The following STPG3 variants were observed in gnomAD, a reference collection of about 807,000 sequenced individuals.
STPG3 encodes the protein sperm-tail PG-rich repeat containing 3.
In STPG3, 39 loss-of-function variants were observed where a neutral mutation model predicts 32.5. The observed-to-expected ratio is 1.20, with a 90% CI of 0.93 to 1.57. The LOEUF (loss-of-function observed/expected upper bound fraction) is 1.57, where lower values mean the gene tolerates loss of function less well. Among genes scored for constraint, STPG3 ranks in the 40% most tolerant of loss-of-function variants. STPG3 has a pLI of 0.00. For missense variants in STPG3, 507 were observed against 407.6 expected (o/e 1.24, Z -2.10); for synonymous variants, 209 against 172.4 (o/e 1.21, Z -1.66).
chr9:137,251,818 T>A lies in STPG3; in HGVS notation c.191T>A (p.Ile64Asn). ...DETQPPKMKE[I>N]PVGLRLQTGT... Reference sequence around the variant, plus strand: ...ACACAGCCCCCAAAGATGAAGGAGATCCCAGTTGGCCTCAGGTTACAGACG... The same window carrying A: ...ACACAGCCCCCAAAGATGAAGGAGAACCCAGTTGGCCTCAGGTTACAGACG... The change falls in exon 2 of 6, where the codon ATC becomes AAC. Residue 64 changes from isoleucine (I) to asparagine (N), a missense_variant. By Grantham distance (149) the Ile-to-Asn change is moderately radical. Transcript: ENST00000412566. The A allele has an allele frequency of 1.2e-6, 2 of 1,603,452 alleles. No homozygotes were observed. Among genetic ancestry groups the A allele is most frequent in the Non-Finnish European group, 1.7e-6 (2 of 1,175,240 alleles).
At chr9:137,253,051 C>A in intron 5 of STPG3, 64 bp from the exon 6 acceptor site, 1 of 1,536,818 alleles carries the variant, frequency 6.5e-7, no homozygotes, top group Non-Finnish European at 8.8e-7. Flanking sequence ...GGGGTGGGAA[C>A]TGGGAGCCAG....
chr9:137,251,687 TG>T, intron 1 of STPG3, 50 bp from the exon 2 acceptor site: 1 of 1,535,728 alleles, frequency 6.5e-7, no homozygotes. Flanking sequence ...GTGGGGCATG[TG>T]GCTGGGAGCG....
At chr9:137,252,280 G>A in intron 3 of STPG3, 145 bp downstream of exon 3, 2 of 1,334,496 alleles carry the variant, frequency 1.5e-6, no homozygotes, top group South Asian at 2.8e-5. Flanking sequence ...CACCTGTAAG[G>A]AGGCCTGGAG....
rs1008527473 is a variant in STPG3, at chr9:137,251,745, G to C, written c.118G>C (p.Ala40Pro). Residue 40 changes from alanine (A) to proline (P), a missense_variant, in exon 2 of 6, where the codon GCA (alanine) becomes CCA (proline). Coordinates refer to ENST00000412566, the MANE Select transcript of STPG3 (RefSeq NM_001004353.4). ...TGCTGGTCTCCCTTGCAGGCCCAAG[G>C]CATCTGTGCTGTTGTTGGGCCCGGA... ...QTQPEPTQPKASVLLLGPEPG... is the reference protein window; with the variant it reads ...QTQPEPTQPKPSVLLLGPEPG... 1.9e-6 allele frequency: 3 copies of C among 1,567,776 alleles called. No individual in the cohort carries two copies. The highest frequency in any genetic ancestry group is 2.6e-6 in the Non-Finnish European group (3 of 1,157,724).
rs1251691961 is a variant in STPG3, at chr9:137,251,947, TG to T, written c.269-51del. 7.5e-6 allele frequency: 12 copies of T among 1,596,482 alleles called. No individual in the cohort carries two copies. The Admixed American group carries it at 1.6e-4, about 21-fold the overall frequency. ...CCCCAAGCTGGTCTTTGGGGGGCTG[TG>T]GGAGGGGCCCGCTGAAAGGAGCCCA... On this transcript the variant is annotated intron_variant, in intron 2 of 5. Coordinates refer to ENST00000412566, the MANE Select transcript of STPG3 (RefSeq NM_001004353.4).
rs1395148177 is a variant in STPG3, at chr9:137,252,697, GCCCGCCTTC to G, written c.538_546del (p.Pro180_Phe182del). 3.2e-6 allele frequency: 5 copies of G among 1,550,666 alleles called. No individual in the cohort carries two copies. In the Admixed American group the frequency reaches 7.8e-5, roughly 24 times the overall value. On this transcript the variant is annotated inframe_deletion, in exon 5 of 6. Coordinates refer to ENST00000412566, the MANE Select transcript of STPG3 (RefSeq NM_001004353.4). ...CAGCCCACTACCAGCTGCTCAGCCGGCCCGCCTTCCCCGCCTTCAGCTTCAGAGGCTGCC... is the reference window on the plus strand; with the variant it reads ...CAGCCCACTACCAGCTGCTCAGCCGGCCCGCCTTCAGCTTCAGAGGCTGCC...
At position 137,251,368 on chromosome 9, in the gene STPG3, C is replaced by A. The variant is rs1290665827; in HGVS notation, c.82C>A (p.Leu28Met). 6.2e-6 allele frequency: 10 copies of A among 1,613,156 alleles called. No homozygotes were observed. Among genetic ancestry groups the A allele is most frequent in the Non-Finnish European group, 6.8e-6 (8 of 1,179,548 alleles). The change falls in exon 1 of 6, where the codon CTG (leucine) becomes ATG (methionine). Residue 28 changes from leucine to methionine, a missense_variant. Leu to Met is a conservative substitution (Grantham distance 15, BLOSUM62 2). Transcript: ENST00000412566. ...AGGCAAACACTGGACCCATGGTCAC[C>A]TGAGGCAGACACAACCAGAGCCCAC... The part of the protein sequence containing the change: ...NGGKHWTHGH[L>M]RQTQPEPTQP...
intron 1 of STPG3, 81 bp from the exon 2 acceptor site, chr9:137,251,657 G>A (rs1564436366): frequency 3.4e-5 from 50 of 1,481,584 alleles, no homozygotes; most frequent in Non-Finnish European, 4.4e-5. Flanking sequence ...GGGGCTGAGG[G>A]ACAATAGAGG....
intron 4 of STPG3, 48 bp downstream of exon 4, chr9:137,252,573 G>A: frequency 6.7e-7 from 1 of 1,496,352 alleles, no homozygotes; most frequent in African/African-American, 1.4e-5. Flanking sequence ...CAGGCAGGGG[G>A]CTGGGGGTTC....
In STPG3 at chr9:137,251,609, T is replaced by G. The variant is rs1354337427; in HGVS notation, c.111-129T>G. The G allele has an allele frequency of 3.5e-6, 4 of 1,150,286 alleles. No individual in the cohort carries two copies. In the South Asian group the frequency reaches 4.5e-5, roughly 13 times the overall value. The allele number at this position is 1,150,286 out of a possible 1,614,324, so 71.3% of individuals were successfully genotyped here. A position where few individuals can be genotyped will look rare whatever the true frequency, so the allele number is the denominator to read the frequency against. On this transcript the variant is annotated intron_variant, in intron 1 of 5. Coordinates refer to ENST00000412566, the MANE Select transcript of STPG3 (RefSeq NM_001004353.4). ...AGCGGCCAGGGGCTGAGGGACAGTGTGGGGACAGGCTGTGGGGCACGTGGC... is the reference window on the plus strand; with the variant it reads ...AGCGGCCAGGGGCTGAGGGACAGTGGGGGGACAGGCTGTGGGGCACGTGGC...
At position 137,253,482 on chromosome 9, in the gene STPG3, G is replaced by A. The variant is rs759925309; in HGVS notation, c.*237G>A. 1.4e-6 allele frequency: 2 copies of A among 1,431,934 alleles called. No homozygotes were observed. The highest frequency in any genetic ancestry group is 5.8e-5 in the Admixed American group (2 of 34,396). 88.7% of individuals were successfully genotyped at this position (1,431,934 alleles called of 1,614,324 possible). ...ACACTGAGATGCTGTTGGTTTTCCC[G>A]AGCTCTGTGGTGTGCAGTTGTCTGT... On this transcript the variant is annotated 3_prime_UTR_variant, in exon 6 of 6. Transcript: ENST00000412566.
chr9:137,251,686 G>A, intron 1 of STPG3, 52 bp from the exon 2 acceptor site: 1 of 1,538,140 alleles, frequency 6.5e-7, no homozygotes, highest in Non-Finnish European at 8.8e-7. Context: ...TGTGGGGCAT[G>A]TGGCTGGGAG....
Position 137,252,850 on chromosome 9 carries a change from G to A in STPG3, c.681G>A (p.Lys227=), listed in dbSNP as rs1275632579. ...LLQASLQAPG[K]RCPGPNTYNI... ...AGGCCTCTTTGCAGGCACCTGGCAA[G>A]AGATGCCCTGGCCCCAACACCTACA... Residue 227 remains lysine, a synonymous_variant, in exon 5 of 6, where the codon AAG becomes AAA. Coordinates refer to ENST00000412566, the MANE Select transcript of STPG3 (RefSeq NM_001004353.4). 9.5e-6 allele frequency: 15 copies of A among 1,577,942 alleles called. No individual in the cohort carries two copies. Among genetic ancestry groups the A allele is most frequent in the Non-Finnish European group, 1.0e-5 (12 of 1,162,574 alleles).
At position 137,251,802 on chromosome 9, in the gene STPG3, C is replaced by G. The variant is rs1310065547; in HGVS notation, c.175C>G (p.Pro59Ala). Residue 59 changes from proline (P) to alanine (A), a missense_variant, in exon 2 of 6, where the codon CCA becomes GCA. Coordinates refer to ENST00000412566, the MANE Select transcript of STPG3 (RefSeq NM_001004353.4). ...PGMAWDETQP[P>A]KMKEIPVGLR... The stretch of plus-strand genomic sequence containing the variant: ...GATGGCCTGGGATGAGACACAGCCC[C>G]CAAAGATGAAGGAGATCCCAGTTGG... The G allele has an allele frequency of 6.3e-7, 1 of 1,598,640 alleles. No individual in the cohort carries two copies. Among genetic ancestry groups the G allele is most frequent in the Non-Finnish European group, 8.5e-7 (1 of 1,172,898 alleles).
At position 137,252,017 on chromosome 9, in the gene STPG3, C is replaced by A. The variant is rs758629910; in HGVS notation, c.285C>A (p.Pro95=). Residue 95 remains proline, a synonymous_variant, in exon 3 of 6, where the codon CCC becomes CCA. Transcript: ENST00000412566. ...TGTGGCCAGTGCTGGAGCAACGCCC[C>A]CTGATCACAGCTGACCTGGAAGTCC... The part of the protein sequence containing the change: ...TLRELLLEQR[P]LITADLEVPS... 66 of 1,612,038 alleles carry A rather than the reference C, an allele frequency of 4.1e-5. No individual in the cohort carries two copies. Among genetic ancestry groups the A allele is most frequent in the Non-Finnish European group, 5.4e-5 (64 of 1,179,486 alleles).
chr9:137,253,263 C>T lies in STPG3; in HGVS notation c.*18C>T, dbSNP rs778312343. 47 of 1,597,606 alleles carry T rather than the reference C, an allele frequency of 2.9e-5. No individual in the cohort carries two copies. The highest frequency in any genetic ancestry group is 1.6e-4 in the South Asian group (14 of 88,624). On this transcript the variant is annotated 3_prime_UTR_variant, in exon 6 of 6. Transcript: ENST00000412566. The stretch of plus-strand genomic sequence containing the variant: ...CGCTCTAGAGCCAGCTGGGCACAAC[C>T]TGCTTGGCCCGGCCACCGAGTGGAA...
Position 137,252,102 on chromosome 9 carries a change from C to T in STPG3, c.370C>T (p.His124Tyr), listed in dbSNP as rs749694392. The T allele has an allele frequency of 1.9e-5, 31 of 1,612,426 alleles. No homozygotes were observed. Among genetic ancestry groups the T allele is most frequent in the Non-Finnish European group, 2.5e-5 (30 of 1,179,746 alleles). The change falls in exon 3 of 6, where the codon CAC (histidine) becomes TAC (tyrosine). Residue 124 changes from histidine to tyrosine, a missense_variant. Transcript: ENST00000412566. ...CGTACGAGAGTCCTCCCCACACCCC[C>T]ACTACAGCATCGGCTGCAAGCACCA... ...PSVRESSPHP[H>Y]YSIGCKHQGR...
chr9:137,252,699 C>CGG lies in STPG3; in HGVS notation c.530_531insGG (p.Phe179ProfsTer23). 6.4e-7 allele frequency: 1 copy of CGG among 1,550,910 alleles called. No homozygotes were observed. Among genetic ancestry groups the CGG allele is most frequent in the African/African-American group, 1.4e-5 (1 of 73,176 alleles). On this transcript the variant is annotated frameshift_variant, in exon 5 of 6. Coordinates refer to ENST00000412566, the MANE Select transcript of STPG3 (RefSeq NM_001004353.4). LOFTEE classifies it high-confidence loss of function. ...GCCCACTACCAGCTGCTCAGCCGGC[C>CGG]CGCCTTCCCCGCCTTCAGCTTCAGA...
At chr9:137,251,622 TGG>T in intron 1 of STPG3, 114 bp from the exon 2 acceptor site, 1 of 1,206,994 alleles carries the variant, frequency 8.3e-7, no homozygotes, top group Non-Finnish European at 1.1e-6. Flanking sequence ...GGACAGGCTG[TGG>T]GGCACGTGGC....
Sources: gnomAD v4.1 joint callset for allele counts on GRCh38, gnomAD v4.1.1 for gene constraint, MANE v1.5 for transcripts, NCBI Gene and HGNC (gene_info 2026-07-23, HGNC 2026-07-21) for gene names.